ITGA6: variants seen among roughly 807,000 people sequenced by gnomAD.
ITGA6 encodes integrin alpha-6.
Under a neutral mutation model 133.6 loss-of-function variants are expected in ITGA6, and 63 were observed. That is an observed-to-expected ratio of 0.47 (90% CI 0.38 to 0.58). The LOEUF (loss-of-function observed/expected upper bound fraction) is 0.58. ITGA6 is among the 20% of genes least tolerant of loss of function. The pLI is 0.00. For synonymous variants in ITGA6, 434 were observed against 482.0 expected (o/e 0.90, Z 1.30); for missense variants, 1,068 against 1,309.4 (o/e 0.82, Z 2.85).
chr2:172,453,420 T>G (rs1436563318), intron 1 of ITGA6, among the ~76,000 whole-genome samples: 4 of 152,048 alleles, frequency 2.6e-5, no homozygotes, highest in African/African-American at 9.7e-5. Flanking sequence ...CCCAGCTACT[T>G]GGGCTGAGGT....
chr2:172,505,416 C>T lies in ITGA6; in HGVS notation c.*1348C>T, dbSNP rs759118407. 41 of 152,232 alleles carry T rather than the reference C, an allele frequency of 2.7e-4. No individual in the cohort carries two copies. Among genetic ancestry groups the T allele is most frequent in the Middle Eastern group, 3.4e-3 (1 of 294 alleles). The allele number at this position is 152,232 out of a possible 1,614,324, so 9.4% of individuals were successfully genotyped here. A position where few individuals can be genotyped will look rare whatever the true frequency, so the allele number is the denominator to read the frequency against. Reference sequence around the variant, plus strand: ...CTACCAAAACAGTTAATCAGTGAGTCGATGTTCTATTTTTTGTTTTGTTTC... The same window carrying T: ...CTACCAAAACAGTTAATCAGTGAGTTGATGTTCTATTTTTTGTTTTGTTTC... On this transcript the variant is annotated 3_prime_UTR_variant, in exon 26 of 26. Transcript: ENST00000684293.
chr2:172,494,747 A>T (rs1687062167), intron 23 of ITGA6, among the ~76,000 whole-genome samples: 1 of 152,192 alleles, frequency 6.6e-6, no homozygotes, highest in Non-Finnish European at 1.5e-5. Flanking sequence ...GCTGTAGGAG[A>T]CAGAACCAGG....
intron 1 of ITGA6, among the ~76,000 whole-genome samples, chr2:172,438,162 T>TTATA (rs1432764577): frequency 6.6e-6 from 1 of 151,360 alleles, no homozygotes; most frequent in Non-Finnish European, 1.5e-5. Context: ...TGGGAGAAGA[T>TTATA]TATAGTGAGC....
intron 23 of ITGA6, among the ~76,000 whole-genome samples, chr2:172,496,229 G>T (rs967057001): frequency 6.6e-6 from 1 of 152,176 alleles, no homozygotes; most frequent in African/African-American, 2.4e-5. Flanking sequence ...TCTCTTCCCT[G>T]TCAGGGGAGG....
chr2:172,443,466 G>A (rs16860397), intron 1 of ITGA6, among the ~76,000 whole-genome samples: 2 of 152,212 alleles, frequency 1.3e-5, no homozygotes, highest in African/African-American at 4.8e-5. Context: ...CCTGGCCGGC[G>A]TTGTTGTTTT....
At chr2:172,475,850 T>C (rs1686151891) in intron 8 of ITGA6, among the ~76,000 whole-genome samples, 165 bp downstream of exon 8, 1 of 152,196 alleles carries the variant, frequency 6.6e-6, no homozygotes, top group Non-Finnish European at 1.5e-5. Context: ...TCAAAATAAA[T>C]ATATAAATGT....
intron 1 of ITGA6, among the ~76,000 whole-genome samples, chr2:172,453,237 C>T (rs1272535814): frequency 6.6e-6 from 1 of 151,622 alleles, no homozygotes; most frequent in Non-Finnish European, 1.5e-5. Context: ...TTTTAAATCA[C>T]AGTACAGGGC....
chr2:172,469,745 A>G (rs1256125322), intron 4 of ITGA6, among the ~76,000 whole-genome samples: 2 of 152,232 alleles, frequency 1.3e-5, no homozygotes, highest in Admixed American at 1.3e-4. Context: ...AAATAATGGT[A>G]TATACAAATA....
At chr2:172,449,000 G>A (rs1559121497) in intron 1 of ITGA6, among the ~76,000 whole-genome samples, 1 of 152,210 alleles carries the variant, frequency 6.6e-6, no homozygotes, top group Non-Finnish European at 1.5e-5. Flanking sequence ...GTAATTGACA[G>A]TGTTTATGGG....
At chr2:172,467,370 T>C in intron 2 of ITGA6, 111 bp from the exon 3 acceptor site, 1 of 750,660 alleles carries the variant, frequency 1.3e-6, no homozygotes, top group South Asian at 1.5e-5. Flanking sequence ...ATTTATTGAG[T>C]AGCTAGACTC....
chr2:172,495,901 CATT>C (rs1687107928), intron 23 of ITGA6, among the ~76,000 whole-genome samples: 1 of 152,168 alleles, frequency 6.6e-6, no homozygotes, highest in East Asian at 1.9e-4. Context: ...TGCACAGTGT[CATT>C]ATAATAAAGC....
intron 1 of ITGA6, among the ~76,000 whole-genome samples, chr2:172,446,102 C>G (rs1209840818): frequency 6.6e-6 from 1 of 152,196 alleles, no homozygotes; most frequent in African/African-American, 2.4e-5. Flanking sequence ...TCTGGCAGAG[C>G]TACTAAGCCT....
chr2:172,446,834 C>T (rs1421320343), intron 1 of ITGA6, among the ~76,000 whole-genome samples: 1 of 152,272 alleles, frequency 6.6e-6, no homozygotes, highest in East Asian at 1.9e-4. Context: ...TATTGTGGCT[C>T]TTTAAGAGAT....
chr2:172,435,063 A>G (rs1232313825), intron 1 of ITGA6, among the ~76,000 whole-genome samples: 2 of 130,326 alleles, frequency 1.5e-5, no homozygotes, highest in African/African-American at 3.2e-5. Context: ...TGTGTGTATG[A>G]TGCAAATGAT....
intron 24 of ITGA6, among the ~76,000 whole-genome samples, chr2:172,500,112 T>A (rs1461525211): frequency 2.6e-5 from 4 of 152,280 alleles, no homozygotes; most frequent in African/African-American, 9.6e-5. Flanking sequence ...GGCCCTTAAA[T>A]TGGATTTTGT....
rs368625569 is a variant in ITGA6 at position 172,491,498 on chromosome 2, T to C, written c.2963T>C (p.Ile988Thr). 1.2e-6 allele frequency: 2 copies of C among 1,613,478 alleles called. No homozygotes were observed. ...FIDVTAAAEN[I>T]RLPNAGTQVR... ...GATGTGACTGCTGCTGCCGAAAATA[T>C]CAGGCTGCCAAATGCAGGCACTCAG... is the stretch of plus-strand genomic sequence containing the variant. The change falls in exon 23 of 26, where the codon ATC becomes ACC. Residue 988 changes from isoleucine (I) to threonine (T), a missense_variant. Coordinates refer to ENST00000684293, the MANE Select transcript of ITGA6 (RefSeq NM_000210.4). The surrounding 1 kb of genome is among the most constrained non-coding windows in gnomAD (Gnocchi z 4.4).
chr2:172,474,904 C>T (rs1185573851), intron 6 of ITGA6, 25 bp from the exon 7 acceptor site: 2 of 1,220,392 alleles, frequency 1.6e-6, no homozygotes, highest in African/African-American at 3.0e-5. Flanking sequence ...TGGTTCACGG[C>T]TCTTTCCCCT....
intron 3 of ITGA6, 59 bp from the exon 4 acceptor site, chr2:172,469,066 A>AT: frequency 1.3e-6 from 2 of 1,589,792 alleles, no homozygotes; most frequent in Non-Finnish European, 1.7e-6. Flanking sequence ...TTCATATGTA[A>AT]TTTTTTAAAA....
At chr2:172,442,269 C>CCAGGCA (rs1559117100) in intron 1 of ITGA6, among the ~76,000 whole-genome samples, 1 of 152,186 alleles carries the variant, frequency 6.6e-6, no homozygotes, top group Non-Finnish European at 1.5e-5. Context: ...CAGCTCCTCC[C>CCAGGCA]GGTAGGAAGT....
Sources: gnomAD v4.1 joint callset for allele counts (sites outside exome capture counted in the v4.1 genomes callset) on GRCh38, gnomAD v4.1.1 for gene constraint, Gnocchi (gnomAD v3.1) non-coding constraint, MANE v1.5 for transcripts, NCBI Gene and HGNC (gene_info 2026-07-23, HGNC 2026-07-21) for gene names.